Variants in CYS1 observed in about 807,000 individuals in gnomAD.
CYS1 encodes the protein cystin-1.
Under a neutral mutation model 9.6 loss-of-function variants are expected in CYS1, and 5 were observed. The observed-to-expected ratio is 0.52, with a 90% CI of 0.27 to 1.10. CYS1 has a LOEUF of 1.10. Among genes scored for constraint, CYS1 ranks in the 50% least tolerant of loss-of-function variants. The pLI, the probability that CYS1 is intolerant of heterozygous loss-of-function variation, is 0.11. For synonymous variants in CYS1, 88 were observed against 95.7 expected, an observed-to-expected ratio of 0.92 and a Z score of 0.47; for missense variants, 221 against 207.9, an observed-to-expected ratio of 1.06 and a Z score of -0.39.
chr2:10,073,177 T>A (rs895343619), intron 1 of CYS1, among the ~76,000 whole-genome samples: 1 of 143,384 alleles, frequency 7.0e-6, no homozygotes, highest in Non-Finnish European at 1.5e-5. Context: ...ATGGCTAACA[T>A]GACAAGGACG....
Position 10,058,309 on chromosome 2 carries a change from G to A in CYS1, c.*544C>T, listed in dbSNP as rs1661578561. 6.6e-6 allele frequency: 1 copy of A among 152,570 alleles called. No homozygotes were observed. Among genetic ancestry groups the A allele is most frequent in the Non-Finnish European group, 1.5e-5 (1 of 68,326 alleles). The allele number at this position is 152,570 out of a possible 1,614,324, so 9.5% of individuals were successfully genotyped here. The stretch of plus-strand genomic sequence containing the variant: ...GGGCTGGGAGCTGGTTAGACGTACA[G>A]AACCTCAGGCCCTGCAAGTCAACAG... On this transcript the variant is annotated 3_prime_UTR_variant, in exon 3 of 3. Transcript: ENST00000381813.
rs991912732 is a variant in CYS1 at position 10,071,205 on chromosome 2, C to T, written c.319-5249G>A. ...TAGTCTCGAACTTTTGACCTCAGGC[C>T]GTCCACCGGCCTCGGCCTCCCAAAG... On this transcript the variant is annotated intron_variant, in intron 1 of 2. Transcript: ENST00000381813. 7.9e-5 allele frequency among the ~76,000 whole-genome samples: 12 copies of T among 152,062 alleles called. No individual in the cohort carries two copies. The South Asian group carries it at 1.7e-3, about 21-fold the overall frequency.
intron 2 of CYS1, among the ~76,000 whole-genome samples, chr2:10,061,802 T>C (rs894961490): frequency 1.3e-5 from 2 of 152,092 alleles, no homozygotes; most frequent in African/African-American, 4.8e-5. Flanking sequence ...ACCAACACCG[T>C]GGGGCAATTT....
At position 10,061,789 on chromosome 2, in the gene CYS1, T is replaced by C. The variant is rs542311865; in HGVS notation, c.372-2831A>G. On this transcript the variant is annotated intron_variant, in intron 2 of 2. Transcript: ENST00000381813. ...CCCTGCCCTGTCTGCCTGGCAACAC[T>C]CCACCAACACCGTGGGGCAATTTGT... Among the ~76,000 whole-genome samples, 8 of 152,192 alleles carry C rather than the reference T, an allele frequency of 5.3e-5. 1 individual carries two copies. The South Asian group carries it at 1.7e-3, about 32-fold the overall frequency.
Position 10,080,027 on chromosome 2 carries a change from C to A in CYS1, c.197G>T (p.Gly66Val), listed in dbSNP as rs1661919061. Residue 66 changes from glycine (G) to valine (V), a missense_variant, in exon 1 of 3, where the codon GGC becomes GTC. Physicochemically the swap from Gly to Val is moderately radical, Grantham distance 109 (BLOSUM62 -3). Coordinates refer to ENST00000381813, the MANE Select transcript of CYS1 (RefSeq NM_001037160.3). This position sits in a 1 kb window ranked among gnomAD's most constrained non-coding sequence, Gnocchi z 6.4. ...CAGCAGGCGCAGCGTCTCGTCCCTG[C>A]CGTCGGGGGGCGCCACGGGGCTGGG... ...RDPSPVAPPD[G>V]RDETLRLLDE... 9.4e-7 allele frequency: 1 copy of A among 1,068,256 alleles called. No homozygotes were observed. Among genetic ancestry groups the A allele is most frequent in the Non-Finnish European group, 1.1e-6 (1 of 884,398 alleles). The allele number at this position is 1,068,256 out of a possible 1,614,324, so 66.2% of individuals were successfully genotyped here.
chr2:10,060,574 A>T (rs1372637178), intron 2 of CYS1, among the ~76,000 whole-genome samples: 1 of 152,150 alleles, frequency 6.6e-6, no homozygotes, highest in Non-Finnish European at 1.5e-5. Flanking sequence ...ACTTATTAGC[A>T]CTGCCCGCGG....
At chr2:10,073,975 C>T (rs1661810525) in intron 1 of CYS1, among the ~76,000 whole-genome samples, 1 of 152,160 alleles carries the variant, frequency 6.6e-6, no homozygotes, top group African/African-American at 2.4e-5. Flanking sequence ...GCCCGCTCCT[C>T]CCCCGGGTCG....
In CYS1 at chr2:10,058,701, G is replaced by A. The variant is rs1255734950; in HGVS notation, c.*152C>T. The A allele has an allele frequency of 4.7e-6, 3 of 641,332 alleles. No homozygotes were observed. The highest frequency in any genetic ancestry group is 4.5e-4 in the Middle Eastern group (1 of 2,220). The allele number at this position is 641,332 out of a possible 1,614,324, so 39.7% of individuals were successfully genotyped here. ...GCCAGTGGCTGGCCCAGGTCAGCGC[G>A]GTCTGAAAGTGGATTTGAAAGGGCA... On this transcript the variant is annotated 3_prime_UTR_variant, in exon 3 of 3. Transcript: ENST00000381813.
rs1242312879 is a variant in CYS1, at chr2:10,076,628, A to T, written c.318+3278T>A. On this transcript the variant is annotated intron_variant, in intron 1 of 2. Coordinates refer to ENST00000381813, the MANE Select transcript of CYS1 (RefSeq NM_001037160.3). This position sits in a 1 kb window ranked among gnomAD's most constrained non-coding sequence, Gnocchi z 4.3. ...AGCACCTTCCTCCCTTGGCTTCCGG[A>T]TGTTCTCTTGGTTTTCTCCCCTTTA... Among the ~76,000 whole-genome samples, 1 of 152,030 alleles carries T rather than the reference A, an allele frequency of 6.6e-6. No homozygotes were observed. Among genetic ancestry groups the T allele is most frequent in the Non-Finnish European group, 1.5e-5 (1 of 68,012 alleles).
chr2:10,059,914 C>A (rs557050254), intron 2 of CYS1, among the ~76,000 whole-genome samples: 1 of 152,246 alleles, frequency 6.6e-6, no homozygotes, highest in Non-Finnish European at 1.5e-5. Context: ...AGCGGCTGCG[C>A]CAGCCTGGAC....
At chr2:10,068,683 A>G (rs1476598939) in intron 1 of CYS1, among the ~76,000 whole-genome samples, 1 of 152,234 alleles carries the variant, frequency 6.6e-6, no homozygotes, top group Non-Finnish European at 1.5e-5. Context: ...ACCCACTCCA[A>G]CTGCATGTGC....
chr2:10,067,353 T>A (rs575559404), intron 1 of CYS1, among the ~76,000 whole-genome samples: 35 of 151,990 alleles, frequency 2.3e-4, no homozygotes, highest in African/African-American at 8.2e-4. Context: ...ATTTTCTACT[T>A]GCTTGATGCT....
intron 1 of CYS1, among the ~76,000 whole-genome samples, chr2:10,074,401 C>T (rs1160601223): frequency 2.0e-5 from 3 of 152,216 alleles, no homozygotes; most frequent in Non-Finnish European, 4.4e-5. Flanking sequence ...CCTCCTCCAC[C>T]TCTCACCTGG....
chr2:10,074,851 C>T (rs938629628), intron 1 of CYS1, among the ~76,000 whole-genome samples: 1 of 152,172 alleles, frequency 6.6e-6, no homozygotes, highest in African/African-American at 2.4e-5. Flanking sequence ...GTCGCTCATG[C>T]CTATAATCCC....
At chr2:10,059,104 G>T in intron 2 of CYS1, 146 bp from the exon 3 acceptor site, 9 of 691,866 alleles carry the variant, frequency 1.3e-5, no homozygotes, top group Non-Finnish European at 2.2e-5. Flanking sequence ...TGGCGCTCTC[G>T]CCCAGCACAT....
chr2:10,079,927 G>T lies in CYS1; in HGVS notation c.297C>A (p.Pro99=), dbSNP rs1371681933. ...TCACCGCGCTCCCCGCGACCGCGGT[G>T]GGTCGGAGCCGGGCTGGGCGGCGCG... ...PAPRRPARLR[P]TAVAGSAVCA... Residue 99 remains proline, a synonymous_variant, in exon 1 of 3, where the codon CCC becomes CCA. Transcript: ENST00000381813. 11 of 1,119,446 alleles carry T rather than the reference G, an allele frequency of 9.8e-6. No homozygotes were observed. The highest frequency in any genetic ancestry group is 1.2e-5 in the Non-Finnish European group (11 of 915,882). The allele number at this position is 1,119,446 out of a possible 1,614,324, so 69.3% of individuals were successfully genotyped here.
Position 10,058,238 on chromosome 2 carries a change from G to A in CYS1, c.*615C>T, listed in dbSNP as rs1209233372. On this transcript the variant is annotated 3_prime_UTR_variant, in exon 3 of 3. Coordinates refer to ENST00000381813, the MANE Select transcript of CYS1 (RefSeq NM_001037160.3). ...CCACTGCAAGGCAGATCAGAGCTGG[G>A]GTTCTCGCTCCTCAAAGTGCAGTTG... is the stretch of plus-strand genomic sequence containing the variant. The A allele has an allele frequency of 6.6e-6, 1 of 152,482 alleles. No individual in the cohort carries two copies. Among genetic ancestry groups the A allele is most frequent in the African/African-American group, 2.4e-5 (1 of 41,454 alleles). 9.4% of individuals were successfully genotyped at this position (152,482 alleles called of 1,614,324 possible).
At chr2:10,069,072 A>C (rs1349529865) in intron 1 of CYS1, among the ~76,000 whole-genome samples, 1 of 152,076 alleles carries the variant, frequency 6.6e-6, no homozygotes, top group Admixed American at 6.5e-5. Context: ...AGAAAAAAAA[A>C]AAATTAAATT....
intron 1 of CYS1, among the ~76,000 whole-genome samples, chr2:10,073,728 C>CA (rs1366367917): frequency 6.6e-6 from 1 of 152,148 alleles, no homozygotes; most frequent in African/African-American, 2.4e-5. Flanking sequence ...CTATGGGACT[C>CA]AAAGCTCCAA....
Sources: gnomAD v4.1 joint callset for allele counts (sites outside exome capture counted in the v4.1 genomes callset) on GRCh38, gnomAD v4.1.1 for gene constraint, Gnocchi (gnomAD v3.1) non-coding constraint, MANE v1.5 for transcripts, NCBI Gene and HGNC (gene_info 2026-07-23, HGNC 2026-07-21) for gene names.